Variants in RNF146 observed in about 807,000 individuals in gnomAD.
RNF146 encodes E3 ubiquitin-protein ligase RNF146.
Under a neutral mutation model 29.7 loss-of-function variants are expected in RNF146, and 11 were observed. That is an observed-to-expected ratio of 0.37 (90% CI 0.23 to 0.61). The LOEUF (loss-of-function observed/expected upper bound fraction) is 0.61, where lower values mean the gene tolerates loss of function less well. Ranked by LOEUF, RNF146 falls within the 20% of genes least tolerant of loss-of-function variation. The pLI, the probability that RNF146 is intolerant of heterozygous loss-of-function variation, is 0.66. For missense variants in RNF146, 342 were observed against 438.9 expected (o/e 0.78, Z 1.97); for synonymous variants, 150 against 159.7 (o/e 0.94, Z 0.46).
At chr6:127,283,011 A>G (rs1779102172) in intron 2 of RNF146, among the ~76,000 whole-genome samples, 1 of 151,746 alleles carries the variant, frequency 6.6e-6, no homozygotes, top group Non-Finnish European at 1.5e-5. Context: ...GCTTATAATA[A>G]TTTTGCCTTT....
At chr6:127,284,940 T>A (rs897239197) in intron 2 of RNF146, among the ~76,000 whole-genome samples, 3 of 151,864 alleles carry the variant, frequency 2.0e-5, no homozygotes, top group African/African-American at 7.2e-5. Context: ...CCAAGACAAT[T>A]CTTTTTCTTC....
intron 2 of RNF146, among the ~76,000 whole-genome samples, chr6:127,284,795 A>G (rs1779309575): frequency 6.6e-6 from 1 of 151,940 alleles, no homozygotes; most frequent in African/African-American, 2.4e-5. Context: ...AGCTTATCCA[A>G]CTTGTGGGCC....
chr6:127,287,581 CCGAT>C lies in RNF146; in HGVS notation c.974_977del (p.Arg325GlnfsTer10). 1 of 1,612,900 alleles carries C rather than the reference CCGAT, an allele frequency of 6.2e-7. No homozygotes were observed. The highest frequency in any genetic ancestry group is 8.5e-7 in the Non-Finnish European group (1 of 1,179,394). On this transcript the variant is annotated frameshift_variant, in exon 3 of 3. Coordinates refer to ENST00000368314, the MANE Select transcript of RNF146 (RefSeq NM_001242850.2). LOFTEE classifies it high-confidence loss of function. ...GTTTCTAATGCAAACCAGACAGTACCCGATCGATCAGATCGATCGGGAACTGATC... is the reference window on the plus strand; with the variant it reads ...GTTTCTAATGCAAACCAGACAGTACCCGATCAGATCGATCGGGAACTGATC...
In RNF146 at chr6:127,286,885, CAGA is replaced by C; in HGVS notation, c.277_279del (p.Glu93del). The stretch of plus-strand genomic sequence containing the variant: ...CTTGACAAGCCAACCTTGTTGTCAC[CAGA>C]AGAACTCAAGGCAGCAAGTAGAGGA... On this transcript the variant is annotated inframe_deletion, in exon 3 of 3. Transcript: ENST00000368314. The surrounding 1 kb of genome is among the most constrained non-coding windows in gnomAD (Gnocchi z 4.6). 2.5e-6 allele frequency: 4 copies of C among 1,613,164 alleles called. No homozygotes were observed. Among genetic ancestry groups the C allele is most frequent in the African/African-American group, 1.3e-5 (1 of 74,904 alleles).
intron 1 of RNF146, among the ~76,000 whole-genome samples, chr6:127,269,587 G>A (rs1220840986): frequency 1.3e-5 from 2 of 152,168 alleles, no homozygotes; most frequent in African/African-American, 2.4e-5. Context: ...TAAAGTATCA[G>A]ACCCCATTTA....
chr6:127,281,300 T>C (rs761778472), intron 2 of RNF146, among the ~76,000 whole-genome samples: 4 of 151,760 alleles, frequency 2.6e-5, no homozygotes, highest in Non-Finnish European at 5.9e-5. Context: ...TTTATCTATC[T>C]GTATACATTT....
intron 1 of RNF146, among the ~76,000 whole-genome samples, chr6:127,273,286 AC>A (rs1359919110): frequency 1.3e-5 from 2 of 152,210 alleles, no homozygotes; most frequent in Non-Finnish European, 2.9e-5. Context: ...AGTATGTACT[AC>A]AATTAATTTT....
At chr6:127,273,728 A>G (rs1026602210) in intron 1 of RNF146, among the ~76,000 whole-genome samples, 18 of 152,130 alleles carry the variant, frequency 1.2e-4, no homozygotes, top group African/African-American at 4.3e-4. Context: ...GCCATTTCTA[A>G]AGGAATCCTA....
At chr6:127,284,506 G>A (rs1276652887) in intron 2 of RNF146, among the ~76,000 whole-genome samples, 2 of 151,806 alleles carry the variant, frequency 1.3e-5, no homozygotes, top group Admixed American at 1.3e-4. Flanking sequence ...GGAACAAAAA[G>A]ATTTTCAGGA....
chr6:127,273,762 G>GA (rs555028030), intron 1 of RNF146, among the ~76,000 whole-genome samples: 123 of 145,754 alleles, frequency 8.4e-4, no homozygotes, highest in Non-Finnish European at 1.3e-3. Flanking sequence ...GCCAGAATTA[G>GA]AAAAAAAAAA....
Position 127,286,585 on chromosome 6 carries a change from T to C in RNF146, c.3-31T>C. The C allele has an allele frequency of 6.5e-7, 1 of 1,544,584 alleles. No homozygotes were observed. Among genetic ancestry groups the C allele is most frequent in the Non-Finnish European group, 8.8e-7 (1 of 1,139,308 alleles). On this transcript the variant is annotated intron_variant, in intron 2 of 2. Transcript: ENST00000368314. The surrounding 1 kb of genome is among the most constrained non-coding windows in gnomAD (Gnocchi z 4.6). ...TTAAGATATTGCAAGAATTAAAACA[T>C]GACTTTAATATTATATGTATTTTTT... is the stretch of plus-strand genomic sequence containing the variant.
intron 2 of RNF146, among the ~76,000 whole-genome samples, chr6:127,281,955 T>C (rs940723233): frequency 1.3e-5 from 2 of 151,732 alleles, no homozygotes; most frequent in African/African-American, 2.4e-5. Flanking sequence ...TTCTCAGTGA[T>C]ACAGGTGTTA....
chr6:127,276,455 C>T (rs570815029), intron 1 of RNF146, among the ~76,000 whole-genome samples: 1 of 151,888 alleles, frequency 6.6e-6, no homozygotes, highest in African/African-American at 2.4e-5. Flanking sequence ...GACATGAAAC[C>T]TGAGATGTCA....
At chr6:127,276,608 A>C (rs1778245870) in intron 1 of RNF146, among the ~76,000 whole-genome samples, 1 of 152,014 alleles carries the variant, frequency 6.6e-6, no homozygotes, top group African/African-American at 2.4e-5. Flanking sequence ...CAGGAACTGG[A>C]TAAAGGAAAG....
At chr6:127,280,105 A>G in intron 1 of RNF146, 126 bp from the exon 2 acceptor site, 2 of 515,046 alleles carry the variant, frequency 3.9e-6, no homozygotes, top group South Asian at 5.3e-5. Context: ...TAGCAGTGGT[A>G]AAAGCATGCA....
At chr6:127,272,780 A>G (rs1261036137) in intron 1 of RNF146, among the ~76,000 whole-genome samples, 1 of 152,214 alleles carries the variant, frequency 6.6e-6, no homozygotes, top group Non-Finnish European at 1.5e-5. Context: ...CCCTTGCACA[A>G]TTGAAAATCT....
rs533719026 is a variant in RNF146, at chr6:127,269,498, G to C, written c.-109+2573G>C. 2.6e-5 allele frequency among the ~76,000 whole-genome samples: 4 copies of C among 152,256 alleles called. No individual in the cohort carries two copies. In the East Asian group the frequency reaches 7.7e-4, roughly 29 times the overall value. On this transcript the variant is annotated intron_variant, in intron 1 of 2. Coordinates refer to ENST00000368314, the MANE Select transcript of RNF146 (RefSeq NM_001242850.2). ...TTGTTGTTTTGAGAAAAATTAAAGG[G>C]TTTAATGGGCTAGTATAAAGATTGT...
At chr6:127,271,992 T>C (rs1434852365) in intron 1 of RNF146, among the ~76,000 whole-genome samples, 1 of 152,188 alleles carries the variant, frequency 6.6e-6, no homozygotes, top group Non-Finnish European at 1.5e-5. Context: ...TGAAATTGCA[T>C]ACGTGGCTTG....
chr6:127,287,594 T>A lies in RNF146; in HGVS notation c.981T>A (p.Asp327Glu). 6.2e-7 allele frequency: 1 copy of A among 1,612,518 alleles called. No individual in the cohort carries two copies. The highest frequency in any genetic ancestry group is 1.1e-5 in the South Asian group (1 of 90,966). Residue 327 changes from aspartate to glutamate, a missense_variant, in exon 3 of 3, where the codon GAT becomes GAA. Asp to Glu is a conservative substitution (Grantham distance 45). Transcript: ENST00000368314. ...NANQTVPDRS[D>E]RSGTDRSVAG... ...ACCAGACAGTACCCGATCGATCAGATCGATCGGGAACTGATCGATCAGTAG... is the reference window on the plus strand; with the variant it reads ...ACCAGACAGTACCCGATCGATCAGAACGATCGGGAACTGATCGATCAGTAG...
Sources: allele counts gnomAD v4.1 joint callset (sites outside exome capture counted in the v4.1 genomes callset), GRCh38; gene constraint gnomAD v4.1.1; non-coding constraint Gnocchi (gnomAD v3.1); transcripts MANE v1.5; gene names NCBI Gene and HGNC (gene_info 2026-07-23, HGNC 2026-07-21).